The following GPHN variants were observed in gnomAD, a reference collection of about 807,000 sequenced individuals.
GPHN encodes the protein gephyrin.
A neutral mutation model predicts 95.5 loss-of-function variants in GPHN; 17 were observed. The ratio of observed to expected loss-of-function variants is 0.18; its 90% CI spans 0.12 to 0.27. The LOEUF (loss-of-function observed/expected upper bound fraction) is 0.27. GPHN is among the 10% of genes least tolerant of loss of function. GPHN has a pLI of 1.00. For missense variants in GPHN, 660 were observed against 978.1 expected, an observed-to-expected ratio of 0.67 and a Z score of 4.34; for synonymous variants, 320 against 322.5, an observed-to-expected ratio of 0.99 and a Z score of 0.08.
the GPHN span, chr14:67,685,095 C>T: frequency 6.2e-7 from 1 of 1,614,040 alleles, no homozygotes; most frequent in Non-Finnish European, 8.5e-7. Flanking sequence ...GCTGAGGAGT[C>T]TTGATGAAAA....
At chr14:66,893,514 G>A (rs1177825662) in intron 5 of GPHN, among the ~76,000 whole-genome samples, 1 of 152,178 alleles carries the variant, frequency 6.6e-6, no homozygotes, top group Admixed American at 6.5e-5. Context: ...TCTGGCCAGG[G>A]CAATCAGGCA....
the GPHN span, among the ~76,000 whole-genome samples, chr14:67,632,504 T>G: frequency 6.6e-6 from 1 of 152,156 alleles, no homozygotes; most frequent in East Asian, 1.9e-4. Context: ...TTCTCATATC[T>G]TAACACAGGA....
chr14:67,104,812 C>A (rs143189718), intron 13 of GPHN, among the ~76,000 whole-genome samples: 1 of 152,048 alleles, frequency 6.6e-6, no homozygotes. Context: ...TTTCATTCAT[C>A]TTTTGTGGTT....
intron 9 of GPHN, among the ~76,000 whole-genome samples, chr14:67,022,893 G>C (rs1195623644): frequency 6.6e-6 from 1 of 151,896 alleles, no homozygotes; most frequent in Non-Finnish European, 1.5e-5. Context: ...CTCCTTGAAT[G>C]TAACAGTTTT....
the GPHN span, among the ~76,000 whole-genome samples, chr14:67,686,639 A>C: frequency 1.9e-3 from 6 of 3,184 alleles, no homozygotes; most frequent in African/African-American, 4.7e-3. Flanking sequence ...ACACCGGTGC[A>C]AAAAAAAAAA....
intron 22 of GPHN, 29 bp from the exon 23 acceptor site, chr14:67,180,775 G>C (rs768605725): frequency 5.0e-6 from 8 of 1,609,966 alleles, no homozygotes; most frequent in Non-Finnish European, 6.8e-6. Flanking sequence ...TGATGCTTAT[G>C]CTGCTGTAAT....
At chr14:66,825,597 A>G (rs1458148663) in intron 4 of GPHN, among the ~76,000 whole-genome samples, 3 of 151,592 alleles carry the variant, frequency 2.0e-5, no homozygotes, top group Non-Finnish European at 3.0e-5. Flanking sequence ...CAGGTGATGC[A>G]GATGTTGTCG....
the GPHN span, chr14:67,279,046 A>T: frequency 1.2e-6 from 1 of 868,228 alleles, no homozygotes; most frequent in South Asian, 2.5e-5. Flanking sequence ...TTTTCATAGC[A>T]TTATTATGTG....
the GPHN span, chr14:67,383,466 A>G: frequency 2.5e-6 from 4 of 1,610,834 alleles, no homozygotes; most frequent in Non-Finnish European, 3.4e-6. Context: ...AGTCCAATTT[A>G]AGGAACACAG....
intron 2 of GPHN, among the ~76,000 whole-genome samples, chr14:66,764,307 G>A (rs1464855116): frequency 1.3e-5 from 2 of 152,098 alleles, no homozygotes; most frequent in African/African-American, 2.4e-5. Context: ...GAGCATTAGT[G>A]TATGTTGTTA....
At chr14:66,986,684 G>T (rs554645173) in intron 9 of GPHN, among the ~76,000 whole-genome samples, 36 of 152,212 alleles carry the variant, frequency 2.4e-4, no homozygotes, top group Admixed American at 1.0e-3. Context: ...TGCCCTAACA[G>T]CAATAGTAAC....
chr14:66,647,403 G>A (rs2064811468), intron 1 of GPHN, among the ~76,000 whole-genome samples: 1 of 150,882 alleles, frequency 6.6e-6, no homozygotes. Context: ...TTGTATTAAG[G>A]ATGTATAAAT....
chr14:66,572,605 G>A (rs1459263453), intron 1 of GPHN, among the ~76,000 whole-genome samples: 2 of 151,622 alleles, frequency 1.3e-5, no homozygotes, highest in African/African-American at 4.8e-5. Context: ...ATATTTGTAC[G>A]TGGTTTTGGA....
At chr14:66,818,469 A>G (rs959393128) in intron 3 of GPHN, among the ~76,000 whole-genome samples, 1 of 152,182 alleles carries the variant, frequency 6.6e-6, no homozygotes, top group South Asian at 2.1e-4. Context: ...TGCATGGAGC[A>G]TAGGTACCAC....
At chr14:67,229,321 T>C in the GPHN span, among the ~76,000 whole-genome samples, 3 of 152,242 alleles carry the variant, frequency 2.0e-5, no homozygotes, top group Admixed American at 1.3e-4. Flanking sequence ...GTTTTTCTAC[T>C]GTGAACTGAG....
the GPHN span, among the ~76,000 whole-genome samples, chr14:67,263,468 CTA>C: frequency 9.8e-5 from 15 of 152,310 alleles, no homozygotes; most frequent in Admixed American, 7.8e-4. Flanking sequence ...AAGAGAATCT[CTA>C]TGAACAAGTG....
the GPHN span, among the ~76,000 whole-genome samples, chr14:67,213,735 G>A: frequency 1.1e-4 from 17 of 152,218 alleles, no homozygotes; most frequent in East Asian, 1.9e-4. Flanking sequence ...CTGAGGAATC[G>A]CCACACTGAC....
At chr14:66,635,875 ACACCTGTAATCCCAGCACTTTGGGAGG>A in intron 1 of GPHN, among the ~76,000 whole-genome samples, 1 of 152,216 alleles carries the variant, frequency 6.6e-6, no homozygotes, top group South Asian at 2.1e-4. Context: ...ACGGTGGCTC[ACACCTGTAATCCCAGCACTTTGGGAGG>A]CTGAGGCAGG....
intron 11 of GPHN, among the ~76,000 whole-genome samples, chr14:67,076,793 G>A (rs1387492987): frequency 1.3e-5 from 2 of 151,862 alleles, no homozygotes; most frequent in East Asian, 1.9e-4. Flanking sequence ...ATATTTGAAA[G>A]GCTTAGGTAG....
Sources: gnomAD v4.1 joint callset for allele counts (sites outside exome capture counted in the v4.1 genomes callset) on GRCh38, gnomAD v4.1.1 for gene constraint, MANE v1.5 for transcripts, NCBI Gene and HGNC (gene_info 2026-07-23, HGNC 2026-07-21) for gene names.